The following CACNA1C variants were observed in gnomAD, a reference collection of about 807,000 sequenced individuals.
CACNA1C encodes calcium voltage-gated channel subunit alpha1 C.
In CACNA1C, 30 loss-of-function variants were observed where a neutral mutation model predicts 229.0. That is an observed-to-expected ratio of 0.13 (90% CI 0.10 to 0.18). The LOEUF (loss-of-function observed/expected upper bound fraction) is 0.18, where lower values mean the gene tolerates loss of function less well. Ranked by LOEUF, CACNA1C falls within the 10% of genes least tolerant of loss-of-function variation. The pLI is 1.00. For missense variants in CACNA1C, 1,658 were observed against 2,845.0 expected (o/e 0.58, Z 9.49); for synonymous variants, 1,114 against 1,132.5 (o/e 0.98, Z 0.33).
At chr12:2,122,979 C>T (rs1596451552) in intron 3 of CACNA1C, among the ~76,000 whole-genome samples, 1 of 152,316 alleles carries the variant, frequency 6.6e-6, no homozygotes, top group Non-Finnish European at 1.5e-5. Context: ...AATTTCCTCG[C>T]AGGGATGCCG....
At chr12:2,668,017 CTATCCAGTGTCAGCAA>C in intron 37 of CACNA1C, among the ~76,000 whole-genome samples, 1 of 152,340 alleles carries the variant, frequency 6.6e-6, no homozygotes, top group Middle Eastern at 3.4e-3. Context: ...CAAGACAGCA[CTATCCAGTGTCAGCAA>C]GCTTCTGCTC....
chr12:2,126,948 GA>G (rs1337781891), intron 3 of CACNA1C, among the ~76,000 whole-genome samples: 6 of 152,318 alleles, frequency 3.9e-5, no homozygotes, highest in Non-Finnish European at 5.9e-5. Context: ...TTTGGCCTCA[GA>G]AGGGTGGGAA....
chr12:2,062,865 C>T (rs546581845), intron 1 of CACNA1C, among the ~76,000 whole-genome samples: 4 of 152,270 alleles, frequency 2.6e-5, no homozygotes, highest in East Asian at 3.9e-4. Flanking sequence ...CCGTGAGTCC[C>T]GGGGACCATC....
In CACNA1C at chr12:2,135,620, G is replaced by T. The variant is rs1469958485; in HGVS notation, c.477+15190G>T. ...GGGTGCCTCCCAGTTAGGCTGCTCAGGGGTCAGGGGTCAGGGACCCACTTG... is the reference window on the plus strand; with the variant it reads ...GGGTGCCTCCCAGTTAGGCTGCTCATGGGTCAGGGGTCAGGGACCCACTTG... On this transcript the variant is annotated intron_variant, in intron 3 of 46. Transcript: ENST00000399655. Among the ~76,000 whole-genome samples, 15 of 140,212 alleles carry T rather than the reference G, an allele frequency of 1.1e-4. 1 individual carries two copies. Among genetic ancestry groups the T allele is most frequent in the African/African-American group, 3.9e-4 (13 of 32,992 alleles). 92.0% of individuals were successfully genotyped at this position (140,212 alleles called of 152,430 possible).
At chr12:2,541,156 A>C (rs2099869134) in intron 9 of CACNA1C, among the ~76,000 whole-genome samples, 1 of 152,096 alleles carries the variant, frequency 6.6e-6, no homozygotes, top group African/African-American at 2.4e-5. Flanking sequence ...ACCTCTTTCA[A>C]GACTCTGTCT....
chr12:2,421,234 A>G (rs1020576520), intron 3 of CACNA1C, among the ~76,000 whole-genome samples: 2 of 152,214 alleles, frequency 1.3e-5, no homozygotes, highest in Non-Finnish European at 2.9e-5. Context: ...GTTTGCAACT[A>G]TTTTGCTAGG....
chr12:2,257,495 C>T (rs1229183551), intron 3 of CACNA1C, among the ~76,000 whole-genome samples: 1 of 152,220 alleles, frequency 6.6e-6, no homozygotes, highest in Admixed American at 6.5e-5. Flanking sequence ...CCCCAGCATG[C>T]ACAGTTCACA....
rs1425532903 is a variant in CACNA1C at position 2,053,692 on chromosome 12, C to G, written c.49+81C>G. 2 of 1,413,066 alleles carry G rather than the reference C, an allele frequency of 1.4e-6. No individual in the cohort carries two copies. Among genetic ancestry groups the G allele is most frequent in the African/African-American group, 1.5e-5 (1 of 66,350 alleles). 87.5% of individuals were successfully genotyped at this position (1,413,066 alleles called of 1,614,324 possible). On this transcript the variant is annotated intron_variant, in intron 1 of 46. Coordinates refer to ENST00000399655, the MANE Select transcript of CACNA1C (RefSeq NM_000719.7). The surrounding 1 kb of genome is among the most constrained non-coding windows in gnomAD (Gnocchi z 5.8). ...TGCCCTACCCGCGCTCCCCGCGGCC[C>G]CGGGGCCGGTCCCTGCGGAGTGGCC... is the stretch of plus-strand genomic sequence containing the variant.
chr12:2,650,156 T>C (rs1403562682), intron 31 of CACNA1C, among the ~76,000 whole-genome samples: 2 of 152,126 alleles, frequency 1.3e-5, no homozygotes, highest in African/African-American at 4.8e-5. Flanking sequence ...TTTTTGCTCT[T>C]CTCCTGTTTG....
chr12:2,373,743 C>T (rs1465177936), intron 3 of CACNA1C, among the ~76,000 whole-genome samples: 1 of 152,198 alleles, frequency 6.6e-6, no homozygotes, highest in East Asian at 1.9e-4. Flanking sequence ...AAACCCTCTT[C>T]AAGCCCATTT....
intron 37 of CACNA1C, among the ~76,000 whole-genome samples, chr12:2,667,728 C>T (rs781501277): frequency 2.0e-5 from 3 of 152,100 alleles, no homozygotes; most frequent in Non-Finnish European, 2.9e-5. Context: ...AGCCTGGGTG[C>T]GAAACTTTCC....
At chr12:2,125,836 A>G (rs1237260096) in intron 3 of CACNA1C, among the ~76,000 whole-genome samples, 1 of 152,182 alleles carries the variant, frequency 6.6e-6, no homozygotes, top group Non-Finnish European at 1.5e-5. Flanking sequence ...TTTAGGATCC[A>G]AGCAGAAAGA....
Position 2,152,020 on chromosome 12 carries a change from G to A in CACNA1C, c.477+31590G>A, listed in dbSNP as rs537401472. Among the ~76,000 whole-genome samples, 11 of 152,262 alleles carry A rather than the reference G, an allele frequency of 7.2e-5. No homozygotes were observed. In the South Asian group the frequency reaches 2.3e-3, roughly 32 times the overall value. The stretch of plus-strand genomic sequence containing the variant: ...CAGATTTTAAACCCTGGCGTTTTTA[G>A]TGCCTTGACTAGTGTGAGAAACTTG... On this transcript the variant is annotated intron_variant, in intron 3 of 46. Coordinates refer to ENST00000399655, the MANE Select transcript of CACNA1C (RefSeq NM_000719.7). This position sits in a 1 kb window ranked among gnomAD's most constrained non-coding sequence, Gnocchi z 4.2.
At chr12:2,111,030 G>A (rs1303330681) in intron 1 of CACNA1C, among the ~76,000 whole-genome samples, 1 of 101,396 alleles carries the variant, frequency 9.9e-6, no homozygotes, top group Non-Finnish European at 2.2e-5. Flanking sequence ...CCTGTGTGCG[G>A]CTCTGCACTC....
In CACNA1C at chr12:2,034,394, A is replaced by T. The variant is rs575918903; in HGVS notation, c.139+63193A>T. ...TGTCAGAGGAACGAGATTCCACGCA[A>T]CCTGATAAAGAACTTGCTCATGGTC... is the stretch of plus-strand genomic sequence containing the variant. On this transcript the variant is annotated intron_variant, in intron 1 of 46. Coordinates refer to the CACNA1C transcript ENST00000682462. This position sits in a 1 kb window ranked among gnomAD's most constrained non-coding sequence, Gnocchi z 4.1. Among the ~76,000 whole-genome samples, 1 of 152,358 alleles carries T rather than the reference A, an allele frequency of 6.6e-6. No individual in the cohort carries two copies. Among genetic ancestry groups the T allele is most frequent in the African/African-American group, 2.4e-5 (1 of 41,596 alleles).
intron 1 of CACNA1C, among the ~76,000 whole-genome samples, chr12:2,105,671 G>C (rs2078074231): frequency 9.8e-6 from 1 of 102,292 alleles, no homozygotes; most frequent in Non-Finnish European, 2.1e-5. Flanking sequence ...GCATCCTGAA[G>C]CCACTGGGCG....
At chr12:2,400,887 A>G (rs1306360220) in intron 3 of CACNA1C, among the ~76,000 whole-genome samples, 1 of 151,960 alleles carries the variant, frequency 6.6e-6, no homozygotes, top group Non-Finnish European at 1.5e-5. Context: ...TCCTCCCCCA[A>G]ATATACTTGA....
At chr12:2,304,021 C>T (rs1355082514) in intron 3 of CACNA1C, among the ~76,000 whole-genome samples, 3 of 152,212 alleles carry the variant, frequency 2.0e-5, no homozygotes, top group Admixed American at 6.5e-5. Context: ...TGGCCCCTGC[C>T]TCTTTCCTGG....
rs572751309 is a variant in CACNA1C, at chr12:2,380,966, G to C, written c.478-68010G>C. ...CCCGTGTGCTTTTTCCCAGCAGCAC[G>C]TGGGATGGGGAGGGGGACTGAGGTG... On this transcript the variant is annotated intron_variant, in intron 3 of 46. Transcript: ENST00000399655. Among the ~76,000 whole-genome samples, 3 of 152,300 alleles carry C rather than the reference G, an allele frequency of 2.0e-5. No homozygotes were observed. In the East Asian group the frequency reaches 5.8e-4, roughly 29 times the overall value.
Sources: gnomAD v4.1 joint callset for allele counts (sites outside exome capture counted in the v4.1 genomes callset) on GRCh38, gnomAD v4.1.1 for gene constraint, Gnocchi (gnomAD v3.1) non-coding constraint, MANE v1.5 for transcripts, NCBI Gene and HGNC (gene_info 2026-07-23, HGNC 2026-07-21) for gene names.